Variants in ADK observed in about 807,000 individuals in gnomAD.
The protein encoded by ADK is adenosine kinase.
In ADK, 24 loss-of-function variants were observed where a neutral mutation model predicts 44.7. The ratio of observed to expected loss-of-function variants is 0.54; its 90% confidence interval spans 0.39 to 0.76. The LOEUF (loss-of-function observed/expected upper bound fraction) is 0.76. ADK is among the 30% of genes least tolerant of loss of function. The pLI is 0.00. For missense variants in ADK, 321 were observed against 425.1 expected (o/e 0.76, Z 2.15); for synonymous variants, 128 against 142.6 (o/e 0.90, Z 0.73).
chr10:74,429,870 T>C (rs1247505429), intron 6 of ADK, among the ~76,000 whole-genome samples: 3 of 152,240 alleles, frequency 2.0e-5, no homozygotes, highest in Admixed American at 6.5e-5. Flanking sequence ...CGGGAGCATA[T>C]GTTAAAATAG....
chr10:74,459,670 A>G (rs908899214), intron 6 of ADK, among the ~76,000 whole-genome samples: 2 of 147,986 alleles, frequency 1.4e-5, no homozygotes, highest in Non-Finnish European at 3.0e-5. Context: ...CAGAGATTGC[A>G]GTAAGCCTAG....
rs137896104 is a variant in ADK, at chr10:74,562,756, A to G, written c.727-26526A>G. ...TTTTAATATAGTACATGTGCTTTCA[A>G]TAAATGCCTGCTTTGGCAAAAAATA... On this transcript the variant is annotated intron_variant, in intron 7 of 10. Transcript: ENST00000539909. 7.9e-5 allele frequency among the ~76,000 whole-genome samples: 12 copies of G among 152,324 alleles called. No individual in the cohort carries two copies. In the East Asian group the frequency reaches 1.5e-3, roughly 20 times the overall value.
chr10:74,697,819 C>T (rs1188116334), intron 10 of ADK, among the ~76,000 whole-genome samples: 1 of 152,164 alleles, frequency 6.6e-6, no homozygotes, highest in Non-Finnish European at 1.5e-5. Flanking sequence ...TAGGAAATTA[C>T]ATTGCCTTTT....
chr10:74,167,572 T>C (rs1208337686), intron 1 of ADK, among the ~76,000 whole-genome samples: 1 of 152,160 alleles, frequency 6.6e-6, no homozygotes, highest in East Asian at 1.9e-4. Context: ...CTTAGTGTAG[T>C]TTGAGATCCT....
At chr10:74,345,982 C>T (rs1841750706) in intron 4 of ADK, among the ~76,000 whole-genome samples, 1 of 152,176 alleles carries the variant, frequency 6.6e-6, no homozygotes, top group South Asian at 2.1e-4. Flanking sequence ...GCAACCTCTA[C>T]CTCCCAGGTT....
At chr10:74,225,268 G>T (rs1564604549) in intron 3 of ADK, among the ~76,000 whole-genome samples, 1 of 152,100 alleles carries the variant, frequency 6.6e-6, no homozygotes, top group African/African-American at 2.4e-5. Flanking sequence ...AGTAGAGATG[G>T]GGTTTTGCCA....
intron 7 of ADK, among the ~76,000 whole-genome samples, chr10:74,574,180 T>G (rs1851088267): frequency 6.6e-6 from 1 of 151,216 alleles, no homozygotes; most frequent in African/African-American, 2.4e-5. Flanking sequence ...TTTTTTTTTT[T>G]TTTTTGAGAA....
At chr10:74,501,201 G>GA (rs924932877) in intron 6 of ADK, among the ~76,000 whole-genome samples, 3 of 152,250 alleles carry the variant, frequency 2.0e-5, no homozygotes, top group South Asian at 4.2e-4. Flanking sequence ...AGTAACTGGA[G>GA]AAAAATCACT....
At chr10:74,155,743 C>T (rs545186156) in intron 1 of ADK, among the ~76,000 whole-genome samples, 179 of 152,016 alleles carry the variant, frequency 1.2e-3, no homozygotes, top group Admixed American at 3.1e-3. Context: ...ACGTGTTAGC[C>T]GGGATGGTCT....
intron 7 of ADK, among the ~76,000 whole-genome samples, chr10:74,574,973 T>TAA (rs2133872185): frequency 6.6e-6 from 1 of 152,284 alleles, no homozygotes; most frequent in African/African-American, 2.4e-5. Flanking sequence ...AAGAAGCTGA[T>TAA]AAACTAGGTG....
chr10:74,200,828 T>G lies in ADK; in HGVS notation c.130T>G (p.Phe44Val). ...LDISAVVDKD[F>V]LDKYSLKPND... is the part of the protein sequence containing the mutation. ...CATCTCTGCTGTAGTGGACAAAGAT[T>G]TCCTTGATAAGTAAGTATTAAACTC... The change falls in exon 2 of 11, where the codon TTC becomes GTC. Residue 44 changes from phenylalanine to valine, a missense_variant. Transcript: ENST00000539909. The G allele has an allele frequency of 6.2e-7, 1 of 1,602,640 alleles. No individual in the cohort carries two copies. Among genetic ancestry groups the G allele is most frequent in the Non-Finnish European group, 8.5e-7 (1 of 1,170,050 alleles).
chr10:74,377,979 C>T (rs1842865607), intron 4 of ADK, among the ~76,000 whole-genome samples: 1 of 151,796 alleles, frequency 6.6e-6, no homozygotes, highest in Non-Finnish European at 1.5e-5. Context: ...ATAGAATTGT[C>T]ACACTTGAGC....
At chr10:74,598,190 A>C (rs1851988186) in intron 8 of ADK, among the ~76,000 whole-genome samples, 1 of 152,272 alleles carries the variant, frequency 6.6e-6, no homozygotes, top group African/African-American at 2.4e-5. Context: ...AAGATGTGTG[A>C]GCTTAAGTGT....
At chr10:74,255,578 A>T (rs1227021335) in intron 3 of ADK, among the ~76,000 whole-genome samples, 1 of 152,176 alleles carries the variant, frequency 6.6e-6, no homozygotes, top group East Asian at 1.9e-4. Context: ...CATGAATGCC[A>T]TTCTTAGAAT....
intron 6 of ADK, among the ~76,000 whole-genome samples, chr10:74,445,044 AT>A (rs1487553597): frequency 6.6e-6 from 1 of 152,088 alleles, no homozygotes; most frequent in African/African-American, 2.4e-5. Context: ...AAAAACAAAT[AT>A]AAACAATGGG....
intron 4 of ADK, among the ~76,000 whole-genome samples, chr10:74,377,405 A>G (rs1842848428): frequency 6.6e-6 from 1 of 152,198 alleles, no homozygotes; most frequent in South Asian, 2.1e-4. Context: ...AGGAGGAGCT[A>G]TGAGTATTCA....
intron 1 of ADK, chr10:74,176,446 G>A (rs1254555252): frequency 7.5e-6 from 8 of 1,073,498 alleles, no homozygotes; most frequent in Admixed American, 4.9e-5. Context: ...GCTTGCCGAG[G>A]TAGACAGTGG....
At chr10:74,311,728 G>A (rs1001594348) in intron 3 of ADK, among the ~76,000 whole-genome samples, 1 of 152,176 alleles carries the variant, frequency 6.6e-6, no homozygotes, top group African/African-American at 2.4e-5. Context: ...ATGAAGTAGT[G>A]ATCAGAATAA....
At chr10:74,375,661 A>G (rs546655582) in intron 4 of ADK, among the ~76,000 whole-genome samples, 1 of 151,518 alleles carries the variant, frequency 6.6e-6, no homozygotes, top group East Asian at 1.9e-4. Context: ...TTTTTTTTTT[A>G]AACTGCTGGT....
Sources: allele counts gnomAD v4.1 joint callset (sites outside exome capture counted in the v4.1 genomes callset), GRCh38; gene constraint gnomAD v4.1.1; transcripts MANE v1.5; gene names NCBI Gene and HGNC (gene_info 2026-07-23, HGNC 2026-07-21).